SLCO5A1: variants seen among roughly 807,000 people sequenced by gnomAD.
SLCO5A1 encodes organic anion transporter polypeptide-related protein 4.
A neutral mutation model predicts 65.1 loss-of-function variants in SLCO5A1; 39 were observed. The ratio of observed to expected loss-of-function variants is 0.60; its 90% CI spans 0.46 to 0.78. SLCO5A1 has a LOEUF of 0.78. Among genes scored for constraint, SLCO5A1 ranks in the 30% least tolerant of loss-of-function variants. SLCO5A1 has a pLI of 0.00. For synonymous variants in SLCO5A1, 438 were observed against 415.7 expected (o/e 1.05, Z -0.65); for missense variants, 1,029 against 1,069.4 (o/e 0.96, Z 0.53).
Position 69,761,795 on chromosome 8 carries a change from G to A in SLCO5A1, c.988C>T (p.Pro330Ser). Reference protein sequence around the residue: ...GGLLIGFYVDPRNPVHLDQND... With the variant: ...GGLLIGFYVDSRNPVHLDQND... ...TGGTCAAGGTGAACAGGATTTCTGG[G>A]ATCAACATAAAAACCAATAAGAAGT... is the stretch of plus-strand genomic sequence containing the variant. The change falls in exon 3 of 10, where the codon CCC becomes TCC. Residue 330 changes from proline (P) to serine (S), a missense_variant. Pro to Ser is a moderately conservative substitution (Grantham distance 74). Coordinates refer to ENST00000260126, the MANE Select transcript of SLCO5A1 (RefSeq NM_030958.3). 1 of 1,613,954 alleles carries A rather than the reference G, an allele frequency of 6.2e-7. No homozygotes were observed.
intron 2 of SLCO5A1, among the ~76,000 whole-genome samples, chr8:69,830,615 A>C (rs1171156497): frequency 6.6e-6 from 1 of 152,218 alleles, no homozygotes; most frequent in Non-Finnish European, 1.5e-5. Flanking sequence ...TATGGGTTCA[A>C]ATCCATCCCT....
chr8:69,719,212 G>A (rs1250185396), intron 5 of SLCO5A1, among the ~76,000 whole-genome samples: 2 of 152,186 alleles, frequency 1.3e-5, no homozygotes, highest in East Asian at 1.9e-4. Context: ...GTGACAGACG[G>A]GTTGAAAATC....
intron 3 of SLCO5A1, among the ~76,000 whole-genome samples, chr8:69,759,336 C>T (rs1817660142): frequency 6.6e-6 from 1 of 152,100 alleles, no homozygotes; most frequent in Non-Finnish European, 1.5e-5. Context: ...CAATCTTTAT[C>T]ATGTATAGAA....
At chr8:69,697,174 C>G (rs1586695702) in intron 6 of SLCO5A1, among the ~76,000 whole-genome samples, 1 of 152,230 alleles carries the variant, frequency 6.6e-6, no homozygotes, top group East Asian at 1.9e-4. Context: ...TTCGTTCATT[C>G]ATTCATTCAC....
intron 2 of SLCO5A1, among the ~76,000 whole-genome samples, chr8:69,762,965 C>G (rs1817864969): frequency 1.3e-5 from 2 of 152,160 alleles, no homozygotes. Flanking sequence ...GTATGTCTCA[C>G]TGCCAGTGTA....
intron 2 of SLCO5A1, among the ~76,000 whole-genome samples, chr8:69,776,113 C>T (rs1314616736): frequency 6.6e-6 from 1 of 152,176 alleles, no homozygotes; most frequent in Non-Finnish European, 1.5e-5. Context: ...GAAACAAAAT[C>T]AATGAGTTAG....
chr8:69,781,441 G>A (rs1464818052), intron 2 of SLCO5A1, among the ~76,000 whole-genome samples: 1 of 152,118 alleles, frequency 6.6e-6, no homozygotes, highest in Non-Finnish European at 1.5e-5. Context: ...CTGCACTAGG[G>A]TTCCTTGTAA....
chr8:69,826,045 A>C (rs1221460669), intron 2 of SLCO5A1, among the ~76,000 whole-genome samples: 1 of 152,254 alleles, frequency 6.6e-6, no homozygotes, highest in Non-Finnish European at 1.5e-5. Context: ...TTCCCTATTT[A>C]ATAAATGGTG....
intron 2 of SLCO5A1, among the ~76,000 whole-genome samples, chr8:69,817,064 T>C (rs1489202499): frequency 6.6e-6 from 1 of 152,186 alleles, no homozygotes; most frequent in Non-Finnish European, 1.5e-5. Flanking sequence ...ACAGTGGTGT[T>C]AAGTATATTC....
chr8:69,832,419 GGCAGAGGGAC>G lies in SLCO5A1; in HGVS notation c.245_254del (p.Ser82ThrfsTer53). ...CCCCGAGCCCCGCCGAAGTGGACGGGGCAGAGGGACTGGGGGCCAACGGGTTCGGGCCTTG... is the reference window on the plus strand; with the variant it reads ...CCCCGAGCCCCGCCGAAGTGGACGGGTGGGGGCCAACGGGTTCGGGCCTTG... On this transcript the variant is annotated frameshift_variant, in exon 2 of 10. Transcript: ENST00000260126. LOFTEE classifies it high-confidence loss of function. This position sits in a 1 kb window ranked among gnomAD's most constrained non-coding sequence, Gnocchi z 4.5. The G allele has an allele frequency of 6.2e-7, 1 of 1,613,064 alleles. No individual in the cohort carries two copies. Among genetic ancestry groups the G allele is most frequent in the Non-Finnish European group, 8.5e-7 (1 of 1,179,584 alleles).
intron 3 of SLCO5A1, among the ~76,000 whole-genome samples, chr8:69,757,782 AT>A (rs1439939379): frequency 0.018 from 7 of 390 alleles, no homozygotes; most frequent in African/African-American, 0.14. Flanking sequence ...GTCCTTACCC[AT>A]CAGGCACTAT....
At chr8:69,775,820 G>C (rs898191074) in intron 2 of SLCO5A1, among the ~76,000 whole-genome samples, 1 of 152,030 alleles carries the variant, frequency 6.6e-6, no homozygotes, top group Non-Finnish European at 1.5e-5. Flanking sequence ...TGGAGACCAA[G>C]CTGGGCGACA....
intron 4 of SLCO5A1, among the ~76,000 whole-genome samples, chr8:69,743,595 G>A (rs998758664): frequency 1.3e-5 from 2 of 152,270 alleles, no homozygotes; most frequent in African/African-American, 2.4e-5. Flanking sequence ...CGAACTTCCT[G>A]GAAGTTTATT....
intron 2 of SLCO5A1, among the ~76,000 whole-genome samples, chr8:69,772,214 A>T (rs1818346984): frequency 6.6e-6 from 1 of 152,160 alleles, no homozygotes; most frequent in South Asian, 2.1e-4. Flanking sequence ...GAATAATTCA[A>T]CCTGCCTGGA....
intron 6 of SLCO5A1, among the ~76,000 whole-genome samples, chr8:69,690,251 C>T (rs557854761): frequency 1.8e-4 from 27 of 152,324 alleles, no homozygotes; most frequent in Non-Finnish European, 3.5e-4. Context: ...AATTAGATGA[C>T]GAGGCATTTG....
At chr8:69,699,885 A>G (rs991545053) in intron 6 of SLCO5A1, among the ~76,000 whole-genome samples, 3 of 152,208 alleles carry the variant, frequency 2.0e-5, no homozygotes, top group Non-Finnish European at 4.4e-5. Flanking sequence ...TTAGGAGGCC[A>G]AGGTGGGCAG....
At chr8:69,684,765 G>A (rs1002054527) in intron 6 of SLCO5A1, among the ~76,000 whole-genome samples, 4 of 151,500 alleles carry the variant, frequency 2.6e-5, no homozygotes, top group Middle Eastern at 3.4e-3. Context: ...TTCACTGCCA[G>A]CTTGCTCTTG....
intron 2 of SLCO5A1, among the ~76,000 whole-genome samples, chr8:69,778,449 AG>A (rs1477650973): frequency 6.6e-6 from 1 of 152,208 alleles, no homozygotes; most frequent in Admixed American, 6.5e-5. Flanking sequence ...TATGTAAAAT[AG>A]GCTTCCAAAA....
chr8:69,705,378 AAT>A (rs748642555), intron 5 of SLCO5A1, 149 bp from the exon 6 acceptor site: 102 of 672,870 alleles, frequency 1.5e-4, no homozygotes, highest in Non-Finnish European at 2.2e-4. Context: ...TTTATAGTAT[AAT>A]ATTATTTTCA....
Sources: gnomAD v4.1 joint callset for allele counts (sites outside exome capture counted in the v4.1 genomes callset) on GRCh38, gnomAD v4.1.1 for gene constraint, Gnocchi (gnomAD v3.1) non-coding constraint, MANE v1.5 for transcripts, NCBI Gene and HGNC (gene_info 2026-07-23, HGNC 2026-07-21) for gene names.